The following ATRX variants were observed in gnomAD, a reference collection of about 807,000 sequenced individuals.
The protein encoded by ATRX is chromatin remodeler ATRX.
A neutral mutation model predicts 172.6 loss-of-function variants in ATRX; 12 were observed. That is an observed-to-expected ratio of 0.07 (90% CI 0.04 to 0.11). The LOEUF (loss-of-function observed/expected upper bound fraction) is 0.11. ATRX is among the 10% of genes least tolerant of loss of function. ATRX has a pLI of 1.00. For missense variants in ATRX, 1,368 were observed against 1,767.4 expected, an observed-to-expected ratio of 0.77 and a Z score of 4.05; for synonymous variants, 674 against 594.7, an observed-to-expected ratio of 1.13 and a Z score of -1.94.
chrX:77,665,612 T>C (rs890275583), intron 10 of ATRX, among the ~76,000 whole-genome samples: 2 of 111,913 alleles, frequency 1.8e-5, no homozygotes, highest in Non-Finnish European at 3.8e-5. Context: ...AAATAAAATA[T>C]ATTCCTAGGA....
intron 10 of ATRX, among the ~76,000 whole-genome samples, chrX:77,671,654 T>C (rs1557130706): frequency 9.0e-6 from 1 of 111,014 alleles, no homozygotes; most frequent in Non-Finnish European, 1.9e-5. Flanking sequence ...AATTTACTCA[T>C]CTCAAATTTC....
At chrX:77,697,882 C>T (rs1401943347) in intron 3 of ATRX, among the ~76,000 whole-genome samples, 7 of 111,862 alleles carry the variant, frequency 6.3e-5, no homozygotes, top group Non-Finnish European at 1.1e-4. Context: ...GATTAAATTT[C>T]TCGTTTTTTA....
At chrX:77,678,548 G>A (rs985055673) in intron 9 of ATRX, among the ~76,000 whole-genome samples, 7 of 111,928 alleles carry the variant, frequency 6.3e-5, no homozygotes, top group Middle Eastern at 4.2e-3. Context: ...GTGCAGTGGC[G>A]CGATCGTGGC....
intron 15 of ATRX, among the ~76,000 whole-genome samples, chrX:77,650,081 A>C (rs184469890): frequency 8.9e-6 from 1 of 112,502 alleles, no homozygotes; most frequent in East Asian, 2.8e-4. Context: ...TACAAGAAAG[A>C]TTCAACAAAA....
chrX:77,765,070 G>A lies in ATRX; in HGVS notation c.20+20912C>T, dbSNP rs148743572. 7.9e-3 allele frequency among the ~76,000 whole-genome samples: 875 copies of A among 111,020 alleles called. 14 individuals are homozygous for A. The highest frequency in any genetic ancestry group is 0.028 in the African/African-American group (842 of 30,523). On this transcript the variant is annotated intron_variant, in intron 1 of 34. Transcript: ENST00000373344. The stretch of plus-strand genomic sequence containing the variant: ...TAATCCCAGCTACTCGGGAGGCTGA[G>A]GCAGGAGAATTGCTTTAACCCAGGA...
intron 1 of ATRX, among the ~76,000 whole-genome samples, chrX:77,779,091 ATTTTTTTTTTTTT>A (rs1169146207): frequency 1.6e-5 from 1 of 62,779 alleles, no homozygotes; most frequent in Non-Finnish European, 2.9e-5. Flanking sequence ...CCATGCCCGG[ATTTTTTTTTTTTT>A]TTTTTTTTTT....
chrX:77,564,703 G>A (rs2065137186), intron 28 of ATRX, among the ~76,000 whole-genome samples: 1 of 109,433 alleles, frequency 9.1e-6, no homozygotes, highest in African/African-American at 3.3e-5. Flanking sequence ...CTTTCTTTCT[G>A]CCTCATGTAT....
chrX:77,548,006 T>C (rs1226380589), intron 30 of ATRX, among the ~76,000 whole-genome samples: 1 of 111,984 alleles, frequency 8.9e-6, no homozygotes, highest in Non-Finnish European at 1.9e-5. Context: ...GCAGCTAACA[T>C]TTGAACACTT....
chrX:77,512,166 A>C (rs1033057765), intron 34 of ATRX, among the ~76,000 whole-genome samples: 3 of 111,931 alleles, frequency 2.7e-5, no homozygotes, highest in Admixed American at 9.4e-5. Flanking sequence ...GGAGAGAGTG[A>C]CATGAGATAT....
chrX:77,784,136 G>T (rs931120738), intron 1 of ATRX, among the ~76,000 whole-genome samples: 5 of 112,125 alleles, frequency 4.5e-5, no homozygotes, highest in African/African-American at 1.6e-4. Flanking sequence ...GTGAAGTCAA[G>T]ATGGGGTTCA....
At chrX:77,714,526 T>TG (rs2073277156) in intron 2 of ATRX, among the ~76,000 whole-genome samples, 1 of 112,129 alleles carries the variant, frequency 8.9e-6, no homozygotes, top group South Asian at 3.7e-4. Flanking sequence ...AACTTTAGAC[T>TG]GGGTTTACCT....
At chrX:77,548,460 G>C in intron 30 of ATRX, among the ~76,000 whole-genome samples, 1 of 111,411 alleles carries the variant, frequency 9.0e-6, no homozygotes, top group Admixed American at 9.6e-5. Flanking sequence ...CCTTATATAT[G>C]CTTCAATTAT....
intron 20 of ATRX, among the ~76,000 whole-genome samples, 183 bp from the exon 21 acceptor site, chrX:77,619,164 C>G (rs782818754): frequency 7.1e-4 from 79 of 111,257 alleles, no homozygotes; most frequent in African/African-American, 2.5e-3. Flanking sequence ...ATTACCAAAA[C>G]GAGAGAGAAA....
intron 1 of ATRX, among the ~76,000 whole-genome samples, chrX:77,736,866 C>G (rs2074591859): frequency 8.9e-6 from 1 of 111,820 alleles, no homozygotes; most frequent in Admixed American, 9.6e-5. Flanking sequence ...GGTAGTTACA[C>G]AAAATGGACT....
intron 19 of ATRX, among the ~76,000 whole-genome samples, chrX:77,626,323 T>C (rs2067850292): frequency 9.3e-6 from 1 of 107,187 alleles, no homozygotes; most frequent in Admixed American, 1.0e-4. Context: ...AGACAACATA[T>C]ATGGTGTAGC....
intron 30 of ATRX, among the ~76,000 whole-genome samples, chrX:77,543,010 T>C (rs2064071564): frequency 9.0e-6 from 1 of 111,525 alleles, no homozygotes. Context: ...GAAACTACCA[T>C]CAGAGTGAAC....
At chrX:77,632,271 A>G (rs2068145558) in intron 19 of ATRX, among the ~76,000 whole-genome samples, 1 of 111,506 alleles carries the variant, frequency 9.0e-6, no homozygotes, top group Non-Finnish European at 1.9e-5. Context: ...TCATGAACAA[A>G]TAAGTACACT....
At chrX:77,711,883 G>A (rs2073129497) in intron 2 of ATRX, among the ~76,000 whole-genome samples, 3 of 112,118 alleles carry the variant, frequency 2.7e-5, no homozygotes, top group Non-Finnish European at 5.6e-5. Context: ...TACTTGAAAT[G>A]AAACTCCAAA....
At position 77,657,761 on chromosome X, in the gene ATRX, G is replaced by A. The variant is rs1430673754; in HGVS notation, c.4121-1108C>T. 3.8e-4 allele frequency among the ~76,000 whole-genome samples: 43 copies of A among 112,034 alleles called. 2 individuals are homozygous for A. In the Admixed American group the frequency reaches 4.0e-3, roughly 10 times the overall value. ...TGCATACTAAAATTAGTGGGCTTAA[G>A]TATGATAAGAAACAGGATATATGCA... is the stretch of plus-strand genomic sequence containing the variant. On this transcript the variant is annotated intron_variant, in intron 12 of 34. Coordinates refer to ENST00000373344, the MANE Select transcript of ATRX (RefSeq NM_000489.6).
Sources: allele counts gnomAD v4.1 joint callset (sites outside exome capture counted in the v4.1 genomes callset), GRCh38; gene constraint gnomAD v4.1.1; transcripts MANE v1.5; gene names NCBI Gene and HGNC (gene_info 2026-07-23, HGNC 2026-07-21).